Variants in CABIN1 observed in about 807,000 individuals in gnomAD.
The protein encoded by CABIN1 is calcineurin-binding protein cabin-1.
A neutral mutation model predicts 227.7 loss-of-function variants in CABIN1; 133 were observed. The ratio of observed to expected loss-of-function variants is 0.58; its 90% confidence interval spans 0.51 to 0.67. The LOEUF is 0.67. Among genes scored for constraint, CABIN1 ranks in the 30% least tolerant of loss-of-function variants. CABIN1 has a pLI of 0.00. For synonymous variants in CABIN1, 1,086 were observed against 1,155.1 expected (o/e 0.94, Z 1.21); for missense variants, 2,408 against 2,852.5 (o/e 0.84, Z 3.55).
chr22:24,055,231 G>C (rs1186616713), intron 9 of CABIN1, 72 bp downstream of exon 9: 8 of 1,546,266 alleles, frequency 5.2e-6, no homozygotes, highest in African/African-American at 1.4e-5. Context: ...GAGACTGCTG[G>C]GGAGCCCTGC....
At position 24,178,235 on chromosome 22, in the gene CABIN1, A is replaced by C. The variant is rs1334174671; in HGVS notation, c.*39A>C. 2 of 1,611,284 alleles carry C rather than the reference A, an allele frequency of 1.2e-6. No individual in the cohort carries two copies. Among genetic ancestry groups the C allele is most frequent in the South Asian group, 2.2e-5 (2 of 90,972 alleles). The stretch of plus-strand genomic sequence containing the variant: ...CCCCACCGCCACGCCCCAGGGGACC[A>C]GCCAGGCCTGGAATGCCCCCTGGGC... On this transcript the variant is annotated 3_prime_UTR_variant, in exon 37 of 37. Transcript: ENST00000263119.
intron 28 of CABIN1, 151 bp downstream of exon 28, chr22:24,119,849 C>G (rs2147922184): frequency 1.2e-6 from 1 of 830,950 alleles, no homozygotes; most frequent in African/African-American, 1.7e-5. Context: ...GCAGGGCCAG[C>G]CCCAGGAGTG....
intron 27 of CABIN1, among the ~76,000 whole-genome samples, chr22:24,114,467 G>A (rs1202823817): frequency 6.6e-6 from 1 of 152,212 alleles, no homozygotes; most frequent in Non-Finnish European, 1.5e-5. Flanking sequence ...TCTGTGCTGG[G>A]CACTGTGTTA....
In CABIN1 at chr22:24,036,115, C is replaced by G. The variant is rs1000904099; in HGVS notation, c.30C>G (p.Ser10Arg). The G allele has an allele frequency of 1.2e-6, 2 of 1,613,812 alleles. No homozygotes were observed. Among genetic ancestry groups the G allele is most frequent in the African/African-American group, 2.7e-5 (2 of 74,882 alleles). The change falls in exon 3 of 37, where the codon AGC becomes AGG. Residue 10 changes from serine (S) to arginine (R), a missense_variant. Ser to Arg is a moderately radical substitution (Grantham distance 110). Transcript: ENST00000263119. ...TTCGAATTGCAGCCTTAAATGCCAG[C>G]TCCACCATTGAGGATGATCATGAAG... MIRIAALNA[S>R]STIEDDHEGS...
chr22:24,036,987 C>G (rs913918484), intron 3 of CABIN1, among the ~76,000 whole-genome samples: 1 of 151,998 alleles, frequency 6.6e-6, no homozygotes, highest in Non-Finnish European at 1.5e-5. Context: ...AGGCCGGGTG[C>G]GGTGGCTCAT....
At position 24,157,707 on chromosome 22, in the gene CABIN1, CAG is replaced by C. The variant is rs552487005; in HGVS notation, c.4747-6692_4747-6691del. 1.6e-4 allele frequency among the ~76,000 whole-genome samples: 24 copies of C among 152,312 alleles called. No homozygotes were observed. The East Asian group carries it at 4.2e-3, about 27-fold the overall frequency. On this transcript the variant is annotated intron_variant, in intron 29 of 36. Transcript: ENST00000263119. ...GTGACTTGTGTGGGTTTGTGGGTAA[CAG>C]GGGTCTCCCCAGGACTGTAGAGGAT...
At chr22:24,079,147 C>T (rs1371658634) in intron 19 of CABIN1, among the ~76,000 whole-genome samples, 1 of 152,076 alleles carries the variant, frequency 6.6e-6, no homozygotes, top group Non-Finnish European at 1.5e-5. Context: ...AGTGCACTTC[C>T]ATATACTGAG....
At chr22:24,070,716 T>C in intron 16 of CABIN1, 84 bp from the exon 17 acceptor site, 2 of 1,599,310 alleles carry the variant, frequency 1.3e-6, no homozygotes, top group Non-Finnish European at 1.7e-6. Flanking sequence ...CCTCATCTGT[T>C]TTCCTTCAGT....
intron 28 of CABIN1, among the ~76,000 whole-genome samples, chr22:24,124,208 G>A (rs1333726411): frequency 2.0e-5 from 3 of 152,230 alleles, no homozygotes; most frequent in African/African-American, 7.2e-5. Context: ...CAGAATTATT[G>A]TGTTAATGAG....
intron 27 of CABIN1, among the ~76,000 whole-genome samples, chr22:24,118,174 G>A (rs186948991): frequency 5.1e-4 from 77 of 152,286 alleles, no homozygotes; most frequent in African/African-American, 1.8e-3. Context: ...GGAGGGAGAA[G>A]GGCAATGGCT....
At position 24,178,126 on chromosome 22, in the gene CABIN1, T is replaced by TGGAGACATCCAGCCA; in HGVS notation, c.6598_6612dup (p.Thr2200_Glu2204dup). 6.2e-7 allele frequency: 1 copy of TGGAGACATCCAGCCA among 1,613,762 alleles called. No individual in the cohort carries two copies. The highest frequency in any genetic ancestry group is 2.2e-5 in the East Asian group (1 of 44,872). ...CTATGCCAGCCAGCCCTGGAGGTCCTGGAGACATCCAGCCAGGAGTCCTCG... is the reference window on the plus strand; with the variant it reads ...CTATGCCAGCCAGCCCTGGAGGTCCTGGAGACATCCAGCCAGGAGACATCCAGCCAGGAGTCCTCG... On this transcript the variant is annotated inframe_insertion, in exon 37 of 37. Coordinates refer to ENST00000263119, the MANE Select transcript of CABIN1 (RefSeq NM_012295.4).
rs112081168 is a variant in CABIN1 at position 24,113,681 on chromosome 22, G to A, written c.4233G>A (p.Arg1411=). Residue 1411 remains arginine (R), a synonymous_variant, in exon 27 of 37, where the codon AGG becomes AGA. Coordinates refer to ENST00000263119, the MANE Select transcript of CABIN1 (RefSeq NM_012295.4). Reference sequence around the variant, plus strand: ...CCAGGAAATCCTACACAGAGAAGAGGCTGCCCATTCTCAGTTCCCAAGCAG... The same window carrying A: ...CCAGGAAATCCTACACAGAGAAGAGACTGCCCATTCTCAGTTCCCAAGCAG... ...EGSRKSYTEK[R]LPILSSQAGA... 1.7e-5 allele frequency: 28 copies of A among 1,614,094 alleles called. No homozygotes were observed. The African/African-American group carries it at 1.9e-4, about 11-fold the overall frequency.
Position 24,178,113 on chromosome 22 carries a change from G to A in CABIN1, c.6580G>A (p.Ala2194Thr). Residue 2194 changes from alanine (A) to threonine (T), a missense_variant, in exon 37 of 37, where the codon GCC becomes ACC. Around this residue, in one of 3 missense-constraint regions of CABIN1, gnomAD observed 714 missense variants for 773.8 expected, o/e 0.92. Transcript: ENST00000263119. The stretch of plus-strand genomic sequence containing the variant: ...GAGGAAGGAGAGCCTATGCCAGCCA[G>A]CCCTGGAGGTCCTGGAGACATCCAG... Reference protein sequence around the residue: ...NVRKESLCQPALEVLETSSQE... With the variant: ...NVRKESLCQPTLEVLETSSQE... The A allele has an allele frequency of 1.9e-6, 3 of 1,613,852 alleles. No individual in the cohort carries two copies. Among genetic ancestry groups the A allele is most frequent in the Admixed American group, 1.7e-5 (1 of 60,030 alleles).
chr22:24,045,471 A>G (rs1433271530), intron 6 of CABIN1, among the ~76,000 whole-genome samples: 2 of 145,000 alleles, frequency 1.4e-5, no homozygotes, highest in Non-Finnish European at 3.0e-5. Flanking sequence ...TTTTTTTTTC[A>G]TTAACTGGGT....
At chr22:24,087,164 G>A (rs78365374) in intron 22 of CABIN1, among the ~76,000 whole-genome samples, 3,199 of 152,348 alleles carry the variant, frequency 0.021, 54 homozygotes, top group Middle Eastern at 0.041. Context: ...CTTACTGCAT[G>A]CCTATTAGGC....
chr22:24,154,455 G>A (rs1159171459), intron 29 of CABIN1, among the ~76,000 whole-genome samples: 1 of 152,202 alleles, frequency 6.6e-6, no homozygotes, highest in Non-Finnish European at 1.5e-5. Context: ...ATGAATGTAG[G>A]TAGATGGCAA....
intron 1 of CABIN1, among the ~76,000 whole-genome samples, chr22:24,015,152 G>C (rs2035153887): frequency 6.6e-6 from 1 of 150,550 alleles, no homozygotes; most frequent in African/African-American, 2.4e-5. Flanking sequence ...TGTAATCCCA[G>C]CCACTTGGAA....
At chr22:24,175,772 T>C in intron 34 of CABIN1, 1 of 442,106 alleles carries the variant, frequency 2.3e-6, no homozygotes, top group Non-Finnish European at 4.2e-6. Flanking sequence ...GAGTGGACAC[T>C]GCCCCCCCAT....
chr22:24,035,517 T>C lies in CABIN1; in HGVS notation c.-1T>C. The C allele has an allele frequency of 1.2e-6, 2 of 1,614,186 alleles. No individual in the cohort carries two copies. Among genetic ancestry groups the C allele is most frequent in the South Asian group, 2.2e-5 (2 of 91,080 alleles). On this transcript the variant is annotated 5_prime_UTR_variant, in exon 2 of 37. Transcript: ENST00000263119. ...CGTGGCAGTGCTGAATCTCTCTGAA[T>C]ATGGTAAGGACTGATGCCTGCCTAT...
Sources: gnomAD v4.1 joint callset for allele counts (sites outside exome capture counted in the v4.1 genomes callset) on GRCh38, gnomAD v4.1.1 for gene constraint, gnomAD v4.1.1 regional missense constraint, MANE v1.5 for transcripts, NCBI Gene and HGNC (gene_info 2026-07-23, HGNC 2026-07-21) for gene names.